GASK1A: variants seen among roughly 807,000 people sequenced by gnomAD.
GASK1A encodes golgi associated kinase 1A, also known as Golgi-associated kinase 1A.
GASK1A carries 40 observed loss-of-function variants against 41.2 expected under a neutral mutation model. The ratio of observed to expected loss-of-function variants is 0.97; its 90% CI spans 0.75 to 1.27. GASK1A has a LOEUF of 1.27. GASK1A is among the 50% of genes most tolerant of loss of function. GASK1A has a pLI of 0.00. For missense variants in GASK1A, 678 were observed against 745.1 expected (o/e 0.91, Z 1.05); for synonymous variants, 316 against 307.1 (o/e 1.03, Z -0.30).
intron 1 of GASK1A, among the ~76,000 whole-genome samples, chr3:42,997,456 T>C (rs2089382919): frequency 6.6e-6 from 1 of 150,996 alleles, no homozygotes; most frequent in Non-Finnish European, 1.5e-5. Context: ...GGATCTGGGA[T>C]CCTTAGAAAT....
intron 1 of GASK1A, among the ~76,000 whole-genome samples, chr3:42,992,456 A>G (rs529912697): frequency 4.6e-5 from 7 of 152,320 alleles, no homozygotes; most frequent in South Asian, 4.1e-4. Context: ...TGCTCAGTTA[A>G]TGGGGGCTGT....
intron 1 of GASK1A, among the ~76,000 whole-genome samples, chr3:43,023,456 T>G (rs2089531369): frequency 6.6e-6 from 1 of 152,174 alleles, no homozygotes; most frequent in Admixed American, 6.5e-5. Flanking sequence ...TACAGGAAAC[T>G]AATATACTGT....
intron 1 of GASK1A, among the ~76,000 whole-genome samples, chr3:43,012,435 A>G (rs2089468398): frequency 6.6e-6 from 1 of 151,936 alleles, no homozygotes; most frequent in Non-Finnish European, 1.5e-5. Flanking sequence ...CTGTTAAGCC[A>G]CAGGAAGGGG....
intron 4 of GASK1A, chr3:43,055,838 C>A: frequency 2.1e-6 from 1 of 471,244 alleles, no homozygotes. Context: ...GAGTCTACCC[C>A]TCCCAGCTCA....
chr3:43,055,658 A>G (rs2089712551), intron 4 of GASK1A, 123 bp downstream of exon 4: 2 of 719,012 alleles, frequency 2.8e-6, no homozygotes, highest in Non-Finnish European at 2.4e-6. Flanking sequence ...AAGTTATTGG[A>G]TCAGAACTTT....
intron 1 of GASK1A, among the ~76,000 whole-genome samples, chr3:43,006,598 A>G (rs2089436887): frequency 6.6e-6 from 1 of 152,012 alleles, no homozygotes; most frequent in African/African-American, 2.4e-5. Flanking sequence ...AACTTGTTTT[A>G]TTTTTTTCTC....
At chr3:42,989,206 G>A (rs370560647) in intron 1 of GASK1A, among the ~76,000 whole-genome samples, 9 of 152,234 alleles carry the variant, frequency 5.9e-5, no homozygotes, top group African/African-American at 2.2e-4. Flanking sequence ...GGGAAACGTC[G>A]ATAGGGGGAG....
chr3:43,056,440 G>C lies in GASK1A; in HGVS notation c.*54G>C. ...TCCATCCTGATGGCCACATTTTCTT[G>C]GGCTCACTCATCTTGAGGACAAATG... On this transcript the variant is annotated 3_prime_UTR_variant, in exon 5 of 5. Coordinates refer to ENST00000430121, the MANE Select transcript of GASK1A (RefSeq NM_001129908.3). The C allele has an allele frequency of 7.1e-7, 1 of 1,418,076 alleles. No homozygotes were observed. The allele number at this position is 1,418,076 out of a possible 1,614,324, so 87.8% of individuals were successfully genotyped here. A position where few individuals can be genotyped will look rare whatever the true frequency, so the allele number is the denominator to read the frequency against.
intron 1 of GASK1A, among the ~76,000 whole-genome samples, chr3:43,012,528 C>T (rs1219530062): frequency 6.7e-6 from 1 of 150,316 alleles, no homozygotes; most frequent in African/African-American, 2.5e-5. Context: ...TGGAAAGTCA[C>T]ATGAAGGGGC....
intron 1 of GASK1A, among the ~76,000 whole-genome samples, chr3:43,030,916 A>C (rs1332532039): frequency 1.3e-5 from 2 of 152,210 alleles, no homozygotes; most frequent in Admixed American, 1.3e-4. Context: ...ATCCCGGATA[A>C]TCCCCTTTTG....
intron 1 of GASK1A, 56 bp from the exon 2 acceptor site, chr3:43,032,211 G>A: frequency 7.3e-7 from 1 of 1,366,738 alleles, no homozygotes; most frequent in African/African-American, 1.5e-5. Context: ...TTGTTTTGTG[G>A]GTTGAGCTGA....
intron 1 of GASK1A, among the ~76,000 whole-genome samples, chr3:43,005,755 T>C (rs919353053): frequency 6.6e-6 from 1 of 152,268 alleles, no homozygotes; most frequent in South Asian, 2.1e-4. Context: ...ATCTGTGAAA[T>C]TGTCTTCTGA....
At chr3:43,052,937 T>TA (rs2089698057) in intron 2 of GASK1A, among the ~76,000 whole-genome samples, 1 of 152,208 alleles carries the variant, frequency 6.6e-6, no homozygotes, top group Non-Finnish European at 1.5e-5. Context: ...TGATCCACTC[T>TA]AAAATGCTGT....
At chr3:42,987,234 G>T (rs149524417) in intron 1 of GASK1A, among the ~76,000 whole-genome samples, 1 of 152,182 alleles carries the variant, frequency 6.6e-6, no homozygotes, top group African/African-American at 2.4e-5. Flanking sequence ...GCCGGGGTCG[G>T]GTCATACAAT....
intron 2 of GASK1A, among the ~76,000 whole-genome samples, chr3:43,047,033 G>A (rs574376712): frequency 1.5e-4 from 23 of 152,362 alleles, no homozygotes; most frequent in African/African-American, 5.5e-4. Flanking sequence ...AACCCTCATG[G>A]AGAACCTTTG....
At chr3:43,008,074 C>T (rs2089445534) in intron 1 of GASK1A, among the ~76,000 whole-genome samples, 1 of 152,186 alleles carries the variant, frequency 6.6e-6, no homozygotes, top group Non-Finnish European at 1.5e-5. Flanking sequence ...AAAACTCCGG[C>T]TAATAAACTG....
intron 1 of GASK1A, among the ~76,000 whole-genome samples, chr3:42,995,869 TCCCAGC>T (rs2125675347): frequency 6.6e-6 from 1 of 152,322 alleles, no homozygotes; most frequent in South Asian, 2.1e-4. Flanking sequence ...CCCCTCTTGA[TCCCAGC>T]CCCACTCCCA....
intron 1 of GASK1A, among the ~76,000 whole-genome samples, chr3:42,980,642 C>T (rs988464923): frequency 1.3e-5 from 2 of 151,982 alleles, no homozygotes. Context: ...CCTTTGTGTG[C>T]AGGGGGGCCT....
chr3:43,024,581 G>A (rs144647294), intron 1 of GASK1A, among the ~76,000 whole-genome samples: 1 of 152,320 alleles, frequency 6.6e-6, no homozygotes, highest in African/African-American at 2.4e-5. Context: ...GTTGGGTAGT[G>A]GGTGGGGGTG....
Sources: gnomAD v4.1 joint callset for allele counts (sites outside exome capture counted in the v4.1 genomes callset) on GRCh38, gnomAD v4.1.1 for gene constraint, MANE v1.5 for transcripts, NCBI Gene and HGNC (gene_info 2026-07-23, HGNC 2026-07-21) for gene names.